DOCK9: variants seen among roughly 807,000 people sequenced by gnomAD.
DOCK9 encodes the protein dedicator of cytokinesis 9.
A neutral mutation model predicts 263.3 loss-of-function variants in DOCK9; 89 were observed. The ratio of observed to expected loss-of-function variants is 0.34; its 90% CI spans 0.28 to 0.40. DOCK9 has a LOEUF of 0.40. Ranked by LOEUF, DOCK9 falls within the 10% of genes least tolerant of loss-of-function variation. The pLI, the probability that DOCK9 is intolerant of heterozygous loss-of-function variation, is 1.00. For synonymous variants in DOCK9, 976 were observed against 973.1 expected (o/e 1.00, Z -0.06); for missense variants, 2,140 against 2,603.4 (o/e 0.82, Z 3.87).
intron 32 of DOCK9, 73 bp downstream of exon 32, chr13:98,862,946 C>G: frequency 7.5e-7 from 1 of 1,335,822 alleles, no homozygotes; most frequent in Non-Finnish European, 1.0e-6. Context: ...CTAAGCCACC[C>G]AGCTTATGGC....
Position 98,955,272 on chromosome 13 carries a change from T to C in DOCK9, c.243+163A>G, listed in dbSNP as rs147944804. On this transcript the variant is annotated intron_variant, in intron 2 of 52. Transcript: ENST00000682017. ...GGCGGAGGTTGCCGTTGAGCCAAGATGGCACCACTGCACTCAAGCCTGCGT... is the reference window on the plus strand; with the variant it reads ...GGCGGAGGTTGCCGTTGAGCCAAGACGGCACCACTGCACTCAAGCCTGCGT... 4.2e-3 allele frequency among the ~76,000 whole-genome samples: 642 copies of C among 152,090 alleles called. 19 individuals carry two copies. Among genetic ancestry groups the C allele is most frequent in the East Asian group, 5.2e-3 (27 of 5,178 alleles).
intron 1 of DOCK9, among the ~76,000 whole-genome samples, chr13:99,054,715 T>C (rs920622435): frequency 2.6e-5 from 4 of 152,182 alleles, no homozygotes; most frequent in Non-Finnish European, 5.9e-5. Context: ...AAGTTCTCTC[T>C]CCTAAGCTGG....
Position 98,809,382 on chromosome 13 carries a change from C to G in DOCK9, c.5337G>C (p.Gly1779=). The change falls in exon 47 of 53, where the codon GGG becomes GGC. Residue 1779 remains glycine, a synonymous_variant. Transcript: ENST00000682017. ...EVMHSGRRLL[G]TYFRVAFFGQ... ...CGAAGAAGGCTACCCGGAAGTAGGT[C>G]CCCAGAAGCCTGCGGCCCGAGTGCA... 1 of 1,613,688 alleles carries G rather than the reference C, an allele frequency of 6.2e-7. No individual in the cohort carries two copies. Among genetic ancestry groups the G allele is most frequent in the African/African-American group, 1.3e-5 (1 of 74,934 alleles).
At chr13:98,917,888 G>A (rs2051166580) in intron 7 of DOCK9, among the ~76,000 whole-genome samples, 1 of 152,126 alleles carries the variant, frequency 6.6e-6, no homozygotes, top group South Asian at 2.1e-4. Context: ...AGCTGCAGGT[G>A]GGCAGGAGAT....
intron 1 of DOCK9, among the ~76,000 whole-genome samples, chr13:99,030,194 C>G (rs1458333622): frequency 1.3e-5 from 2 of 152,120 alleles, no homozygotes; most frequent in African/African-American, 4.8e-5. Context: ...GAGGATTGCA[C>G]AAATGTGCAA....
chr13:98,847,165 T>G (rs1285147758), intron 37 of DOCK9: 1 of 156,996 alleles, frequency 6.4e-6, no homozygotes, highest in Non-Finnish European at 1.4e-5. Context: ...ATTCACTGTT[T>G]TAAGCTGTGA....
At chr13:98,913,250 G>A (rs2050349199) in intron 9 of DOCK9, among the ~76,000 whole-genome samples, 1 of 152,134 alleles carries the variant, frequency 6.6e-6, no homozygotes, top group Admixed American at 6.6e-5. Flanking sequence ...TAAGATGTGG[G>A]TGTGGAGGGT....
chr13:98,795,175 C>T lies in DOCK9; in HGVS notation c.6157-427G>A, dbSNP rs115693690. Among the ~76,000 whole-genome samples the T allele has an allele frequency of 2.3e-3, 345 of 152,368 alleles. 2 individuals carry two copies. The highest frequency in any genetic ancestry group is 7.9e-3 in the African/African-American group (327 of 41,592). On this transcript the variant is annotated intron_variant, in intron 52 of 52. Coordinates refer to ENST00000682017, the MANE Select transcript of DOCK9 (RefSeq NM_001366683.2). ...GCAACGTGAGGTCTACTTAAGGCAA[C>T]GTGAGGTCTACTTACATGTGCTTGA...
chr13:98,868,862 A>C (rs1235175628), intron 27 of DOCK9, among the ~76,000 whole-genome samples: 1 of 152,228 alleles, frequency 6.6e-6, no homozygotes, highest in South Asian at 2.1e-4. Flanking sequence ...AATACTTCAA[A>C]TAAGTGCTGT....
intron 2 of DOCK9, among the ~76,000 whole-genome samples, chr13:98,933,865 CTGTTGTTGT>C (rs71724333): frequency 0.18 from 26,275 of 148,900 alleles, 2,770 homozygotes; most frequent in East Asian, 0.36. Flanking sequence ...AACCTAGCCT[CTGTTGTTGT>C]TGTTGTTGTT....
chr13:98,839,166 T>A (rs1457164440), intron 38 of DOCK9, among the ~76,000 whole-genome samples: 2 of 152,214 alleles, frequency 1.3e-5, no homozygotes, highest in African/African-American at 4.8e-5. Context: ...GTGGATCACA[T>A]CACTTCCACT....
chr13:98,976,337 G>A (rs1346997230), intron 1 of DOCK9, among the ~76,000 whole-genome samples: 1 of 152,086 alleles, frequency 6.6e-6, no homozygotes, highest in African/African-American at 2.4e-5. Context: ...GGACATAAAT[G>A]GCAAATTTCT....
chr13:98,835,948 G>A (rs1475721572), intron 39 of DOCK9, among the ~76,000 whole-genome samples: 4 of 152,020 alleles, frequency 2.6e-5, no homozygotes, highest in African/African-American at 7.2e-5. Context: ...ATGTTGGCCA[G>A]AATGGTCTCG....
chr13:99,037,745 A>G (rs1182177823), intron 1 of DOCK9, among the ~76,000 whole-genome samples: 2 of 152,226 alleles, frequency 1.3e-5, no homozygotes, highest in Non-Finnish European at 2.9e-5. Context: ...ACTGACTGAT[A>G]AATTACAGTA....
rs1217897161 is a variant in DOCK9 at position 98,997,801 on chromosome 13, C to T, written c.130-42250G>A. On this transcript the variant is annotated intron_variant, in intron 1 of 32. Transcript: ENST00000427887. ...TTTGTTATACAATAGAAAACATTTC[C>T]ATGTGGGGATTCTGGGAGAATAACT... is the stretch of plus-strand genomic sequence containing the variant. Among the ~76,000 whole-genome samples the T allele has an allele frequency of 2.6e-5, 4 of 152,216 alleles. No individual in the cohort carries two copies. The East Asian group carries it at 7.7e-4, about 29-fold the overall frequency.
At chr13:99,043,213 G>A (rs1888640912) in intron 1 of DOCK9, among the ~76,000 whole-genome samples, 1 of 152,056 alleles carries the variant, frequency 6.6e-6, no homozygotes. Flanking sequence ...CAAATCCCTG[G>A]AAGCCCCTAC....
rs1284881929 is a variant in DOCK9 at position 98,794,569 on chromosome 13, G to A, written c.*57C>T. Reference sequence around the variant, plus strand: ...TCTCCCCAGTGATTGGCTTTGGAAAGCATCCTGAGTTTGCAAATGACAAAG... The same window carrying A: ...TCTCCCCAGTGATTGGCTTTGGAAAACATCCTGAGTTTGCAAATGACAAAG... On this transcript the variant is annotated 3_prime_UTR_variant, in exon 53 of 53. Coordinates refer to ENST00000682017, the MANE Select transcript of DOCK9 (RefSeq NM_001366683.2). 2 of 1,539,938 alleles carry A rather than the reference G, an allele frequency of 1.3e-6. No individual in the cohort carries two copies. The highest frequency in any genetic ancestry group is 2.7e-5 in the African/African-American group (2 of 72,862).
intron 15 of DOCK9, among the ~76,000 whole-genome samples, chr13:98,891,160 G>A (rs1393626138): frequency 6.6e-6 from 1 of 152,078 alleles, no homozygotes; most frequent in Admixed American, 6.6e-5. Flanking sequence ...GAGAGCTTTT[G>A]ACCCAGCATC....
At chr13:99,038,514 C>G (rs559940936) in intron 1 of DOCK9, among the ~76,000 whole-genome samples, 4 of 152,040 alleles carry the variant, frequency 2.6e-5, no homozygotes, top group South Asian at 2.1e-4. Context: ...TCACGTTGGC[C>G]AGGCTGGTCT....
Sources: allele counts gnomAD v4.1 joint callset (sites outside exome capture counted in the v4.1 genomes callset), GRCh38; gene constraint gnomAD v4.1.1; transcripts MANE v1.5; gene names NCBI Gene and HGNC (gene_info 2026-07-23, HGNC 2026-07-21).